Variants in SYNE2 observed in about 807,000 individuals in gnomAD.
The protein encoded by SYNE2 is nesprin-2.
A neutral mutation model predicts 856.3 loss-of-function variants in SYNE2; 431 were observed. The ratio of observed to expected loss-of-function variants is 0.50; its 90% CI spans 0.47 to 0.55. SYNE2 has a LOEUF of 0.55. Ranked by LOEUF, SYNE2 falls within the 20% of genes least tolerant of loss-of-function variation. The pLI, the probability that SYNE2 is intolerant of heterozygous loss-of-function variation, is 0.00. For missense variants in SYNE2, 8,129 were observed against 8,023.2 expected (o/e 1.01, Z -0.50); for synonymous variants, 2,923 against 2,872.3 (o/e 1.02, Z -0.56).
chr14:63,834,493 T>A (rs2139906163), intron 1 of SYNE2, among the ~76,000 whole-genome samples: 1 of 152,290 alleles, frequency 6.6e-6, no homozygotes, highest in East Asian at 1.9e-4. Flanking sequence ...TGTCAGTCTC[T>A]TAATTCTTTT....
chr14:64,101,218 C>T (rs2097726446), intron 63 of SYNE2, among the ~76,000 whole-genome samples: 1 of 152,062 alleles, frequency 6.6e-6, no homozygotes, highest in Non-Finnish European at 1.5e-5. Flanking sequence ...AACTTTGATA[C>T]TGTACCAATT....
intron 23 of SYNE2, among the ~76,000 whole-genome samples, chr14:63,995,433 G>A (rs2096705570): frequency 6.6e-6 from 1 of 152,094 alleles, no homozygotes; most frequent in Admixed American, 6.5e-5. Context: ...CCCTTGATGT[G>A]TCTCAGTGGC....
intron 34 of SYNE2, 21 bp downstream of exon 34, chr14:64,017,777 C>A: frequency 6.2e-7 from 1 of 1,610,724 alleles, no homozygotes; most frequent in Non-Finnish European, 8.5e-7. Context: ...AGATAAAATA[C>A]ATGCTTTTCT....
chr14:64,060,798 G>A (rs2097310868), intron 49 of SYNE2, among the ~76,000 whole-genome samples: 1 of 152,142 alleles, frequency 6.6e-6, no homozygotes, highest in Non-Finnish European at 1.5e-5. Flanking sequence ...CCAAGGTGGC[G>A]AGGCTTGCTG....
intron 64 of SYNE2, among the ~76,000 whole-genome samples, chr14:64,103,342 C>A (rs2097749342): frequency 1.3e-5 from 2 of 148,432 alleles, no homozygotes; most frequent in Middle Eastern, 3.4e-3. Flanking sequence ...GGTGGAGGGT[C>A]TCTCCATAAT....
intron 1 of SYNE2, among the ~76,000 whole-genome samples, chr14:63,834,472 C>A (rs930168983): frequency 5.9e-5 from 9 of 152,090 alleles, no homozygotes; most frequent in Non-Finnish European, 1.2e-4. Context: ...CTGATAATAA[C>A]AACACAACTA....
chr14:64,034,148 A>G (rs1438739166), intron 45 of SYNE2, among the ~76,000 whole-genome samples: 2 of 152,250 alleles, frequency 1.3e-5, no homozygotes, highest in African/African-American at 4.8e-5. Flanking sequence ...TTAATGACTG[A>G]AGCTGGATTC....
Position 63,942,086 on chromosome 14 carries a change from T to C in SYNE2, c.351T>C (p.Ile117=). ...TAAATATTCATGTTACTGATATCAT[T>C]GATGGAAACCCATCCATTATCCTTG... ...KLINIHVTDI[I]DGNPSIILGL... The change falls in exon 6 of 116, where the codon ATT becomes ATC. Residue 117 remains isoleucine, a synonymous_variant. Coordinates refer to ENST00000555002, the MANE Select transcript of SYNE2 (RefSeq NM_182914.3). 1 of 1,611,888 alleles carries C rather than the reference T, an allele frequency of 6.2e-7. No homozygotes were observed. The highest frequency in any genetic ancestry group is 8.5e-7 in the Non-Finnish European group (1 of 1,178,506).
At chr14:64,024,738 C>T (rs1385375876) in intron 39 of SYNE2, among the ~76,000 whole-genome samples, 174 bp from the exon 40 acceptor site, 1 of 152,142 alleles carries the variant, frequency 6.6e-6, no homozygotes, top group Non-Finnish European at 1.5e-5. Flanking sequence ...CTATAGAACC[C>T]CGCTATCATA....
chr14:64,191,758 C>A (rs2098519712), intron 99 of SYNE2, among the ~76,000 whole-genome samples: 1 of 152,150 alleles, frequency 6.6e-6, no homozygotes, highest in Admixed American at 6.5e-5. Context: ...CAACTTCTCT[C>A]CACAGCCAGT....
At chr14:63,978,469 GAAT>G (rs1331810471) in intron 13 of SYNE2, among the ~76,000 whole-genome samples, 20 of 152,096 alleles carry the variant, frequency 1.3e-4, no homozygotes, top group African/African-American at 4.3e-4. Flanking sequence ...CAACTTATTA[GAAT>G]AATAAGAGGG....
At chr14:63,891,136 C>T (rs2095120459) in intron 1 of SYNE2, among the ~76,000 whole-genome samples, 1 of 152,118 alleles carries the variant, frequency 6.6e-6, no homozygotes, top group Admixed American at 6.5e-5. Flanking sequence ...AGAAGCTCAG[C>T]AATTGTAGGG....
In SYNE2 at chr14:64,188,534, G is replaced by T. The variant is rs751165740; in HGVS notation, c.17713-16G>T. On this transcript the variant is annotated splice_polypyrimidine_tract_variant and intron_variant, in intron 97 of 115. Coordinates refer to ENST00000555002, the MANE Select transcript of SYNE2 (RefSeq NM_182914.3). ...TCCTGGCTATACTCAGCTGCCAAATGTATTTTCATTTGCAGGTGGCCATAC... is the reference window on the plus strand; with the variant it reads ...TCCTGGCTATACTCAGCTGCCAAATTTATTTTCATTTGCAGGTGGCCATAC... 9.3e-6 allele frequency: 15 copies of T among 1,614,146 alleles called. No individual in the cohort carries two copies. The Middle Eastern group carries it at 4.9e-4, about 53-fold the overall frequency.
At chr14:63,861,238 G>A (rs1352706462) in intron 1 of SYNE2, among the ~76,000 whole-genome samples, 1 of 150,692 alleles carries the variant, frequency 6.6e-6, no homozygotes, top group African/African-American at 2.4e-5. Context: ...TTCGCCTCCT[G>A]GGTTCAAGCG....
intron 1 of SYNE2, among the ~76,000 whole-genome samples, chr14:63,777,317 A>G (rs1358784395): frequency 6.6e-6 from 1 of 152,238 alleles, no homozygotes; most frequent in Admixed American, 6.5e-5. Context: ...CAACTAAATT[A>G]TTATGAATGG....
intron 83 of SYNE2, among the ~76,000 whole-genome samples, chr14:64,145,556 T>C (rs1415395218): frequency 6.6e-6 from 1 of 151,344 alleles, no homozygotes; most frequent in Non-Finnish European, 1.5e-5. Flanking sequence ...TTATAATGTA[T>C]GTAAAAAAGA....
At chr14:63,976,920 G>A (rs573511161) in intron 12 of SYNE2, among the ~76,000 whole-genome samples, 193 bp downstream of exon 12, 2 of 149,686 alleles carry the variant, frequency 1.3e-5, no homozygotes, top group Non-Finnish European at 3.0e-5. Context: ...GTTTAAGATT[G>A]AAACAATTAG....
At chr14:64,169,992 A>C (rs2098402824) in intron 93 of SYNE2, among the ~76,000 whole-genome samples, 1 of 152,230 alleles carries the variant, frequency 6.6e-6, no homozygotes, top group African/African-American at 2.4e-5. Flanking sequence ...ATGGTTATGC[A>C]TGCTGGCAAA....
chr14:64,163,498 A>C lies in SYNE2; in HGVS notation c.16396A>C (p.Met5466Leu). The C allele has an allele frequency of 6.2e-7, 1 of 1,614,106 alleles. No individual in the cohort carries two copies. Among genetic ancestry groups the C allele is most frequent in the Non-Finnish European group, 8.5e-7 (1 of 1,180,006 alleles). Reference sequence around the variant, plus strand: ...ACAACCCGCAGAGTCCAGCACCCACATGCTCCTCCCGGGCCCCCTGCACTC... The same window carrying C: ...ACAACCCGCAGAGTCCAGCACCCACCTGCTCCTCCCGGGCCCCCTGCACTC... ...LPQPAESSTH[M>L]LLPGPLHSLQ... The change falls in exon 89 of 116, where the codon ATG (methionine) becomes CTG (leucine). Residue 5466 changes from methionine to leucine, a missense_variant. This residue lies in a region of SYNE2 where 5,410 missense variants were observed against 5,284.8 expected (regional missense o/e 1.02). Coordinates refer to ENST00000555002, the MANE Select transcript of SYNE2 (RefSeq NM_182914.3).
Sources: gnomAD v4.1 joint callset for allele counts (sites outside exome capture counted in the v4.1 genomes callset) on GRCh38, gnomAD v4.1.1 for gene constraint, gnomAD v4.1.1 regional missense constraint, MANE v1.5 for transcripts, NCBI Gene and HGNC (gene_info 2026-07-23, HGNC 2026-07-21) for gene names.